IGFN1: variants seen among roughly 807,000 people sequenced by gnomAD.
IGFN1 encodes immunoglobulin like and fibronectin type III domain containing 1.
A neutral mutation model predicts 289.5 loss-of-function variants in IGFN1; 253 were observed. The ratio of observed to expected loss-of-function variants is 0.87; its 90% CI spans 0.79 to 0.97. The LOEUF is 0.97. IGFN1 is among the 50% of genes least tolerant of loss of function. The probability of loss-of-function intolerance (pLI) is 0.00; values close to 1 mark genes in which losing one functional copy is unlikely to be tolerated. For missense variants in IGFN1, 4,470 were observed against 4,686.1 expected, an observed-to-expected ratio of 0.95 and a Z score of 1.35; for synonymous variants, 1,706 against 1,788.5, an observed-to-expected ratio of 0.95 and a Z score of 1.16.
intron 23 of IGFN1, among the ~76,000 whole-genome samples, chr1:201,227,904 G>C (rs957227174): frequency 3.3e-5 from 5 of 152,186 alleles, no homozygotes; most frequent in Non-Finnish European, 2.9e-5. Flanking sequence ...AACACTTAGT[G>C]CCTAGAAAGC....
chr1:201,221,325 A>T, intron 18 of IGFN1, 119 bp from the exon 19 acceptor site: 2 of 778,240 alleles, frequency 2.6e-6, no homozygotes, highest in Non-Finnish European at 4.0e-6. Flanking sequence ...AAGAATCTAA[A>T]GGCAGAATTG....
At position 201,218,599 on chromosome 1, in the gene IGFN1, C is replaced by T. The variant is rs1214321537; in HGVS notation, c.9839C>T (p.Pro3280Leu). Residue 3280 changes from proline to leucine, a missense_variant, in exon 18 of 24, where the codon CCC becomes CTC. By Grantham distance (98) the Pro-to-Leu change is moderately conservative. Coordinates refer to ENST00000335211, the MANE Select transcript of IGFN1 (RefSeq NM_001164586.2). ...GAGTTCCGGGTCACAGCTGTGGCTCCCTCAGGTCCCGGAGAGCCTGGACCT... is the reference window on the plus strand; with the variant it reads ...GAGTTCCGGGTCACAGCTGTGGCTCTCTCAGGTCCCGGAGAGCCTGGACCT... ...QYEFRVTAVA[P>L]SGPGEPGPPS... 2 of 1,612,856 alleles carry T rather than the reference C, an allele frequency of 1.2e-6. No individual in the cohort carries two copies. The highest frequency in any genetic ancestry group is 1.7e-6 in the Non-Finnish European group (2 of 1,179,924).
At chr1:201,193,418 T>G (rs1338745963) in intron 2 of IGFN1, 118 bp downstream of exon 2, 3 of 692,906 alleles carry the variant, frequency 4.3e-6, no homozygotes, top group South Asian at 3.7e-5. Flanking sequence ...TGTTGTTGTT[T>G]TTTTTCTCCT....
chr1:201,200,256 A>G lies in IGFN1; in HGVS notation c.478A>G (p.Lys160Glu). The change falls in exon 8 of 24, where the codon AAA (lysine) becomes GAA (glutamate). Residue 160 changes from lysine to glutamate, a missense_variant. Physicochemically the swap from Lys to Glu is moderately conservative, Grantham distance 56. Coordinates refer to ENST00000335211, the MANE Select transcript of IGFN1 (RefSeq NM_001164586.2). ...LKKRAPPAPKKKMDLEQIWQL... is the reference protein window; with the variant it reads ...LKKRAPPAPKEKMDLEQIWQL... ...CCCCAGGGCCCCACCAGCCCCCAAGAAAAAGATGGACCTTGAGCAGATATG... is the reference window on the plus strand; with the variant it reads ...CCCCAGGGCCCCACCAGCCCCCAAGGAAAAGATGGACCTTGAGCAGATATG... 1.9e-6 allele frequency: 3 copies of G among 1,551,770 alleles called. No homozygotes were observed. The highest frequency in any genetic ancestry group is 2.6e-6 in the Non-Finnish European group (3 of 1,146,946).
At chr1:201,227,280 C>A (rs1379506817) in intron 23 of IGFN1, 72 bp downstream of exon 23, 7 of 1,270,962 alleles carry the variant, frequency 5.5e-6, no homozygotes, top group Non-Finnish European at 2.2e-6. Context: ...GTCAGGGAGG[C>A]TCCGGGGGGT....
At chr1:201,197,666 T>C (rs979706001) in intron 5 of IGFN1, among the ~76,000 whole-genome samples, 1 of 152,210 alleles carries the variant, frequency 6.6e-6, no homozygotes, top group Non-Finnish European at 1.5e-5. Context: ...ATGCAAAGGA[T>C]ATTTTGGACA....
chr1:201,205,425 G>T (rs1667369167), intron 11 of IGFN1, 71 bp downstream of exon 11: 1 of 1,411,648 alleles, frequency 7.1e-7, no homozygotes, highest in East Asian at 2.5e-5. Flanking sequence ...CATGAGGAAG[G>T]CGAGGCAGTG....
At chr1:201,227,726 G>A (rs1031288488) in intron 23 of IGFN1, among the ~76,000 whole-genome samples, 7 of 152,098 alleles carry the variant, frequency 4.6e-5, no homozygotes, top group Admixed American at 6.5e-5. Context: ...CACTGTGCCC[G>A]GCAGATTTGC....
intron 9 of IGFN1, 77 bp downstream of exon 9, chr1:201,201,909 C>G: frequency 1.4e-6 from 1 of 737,286 alleles, no homozygotes; most frequent in Non-Finnish European, 2.4e-6. Flanking sequence ...ACTATGGGTA[C>G]CCTGCATTCC....
chr1:201,222,703 G>A, intron 19 of IGFN1, 36 bp from the exon 20 acceptor site: 2 of 1,515,786 alleles, frequency 1.3e-6, no homozygotes, highest in Non-Finnish European at 1.8e-6. Context: ...AACTGTGAGG[G>A]AGGAGGGAGG....
rs189741487 is a variant in IGFN1 at position 201,197,235 on chromosome 1, C to G, written c.285C>G (p.Gly95=). The G allele has an allele frequency of 1.3e-6, 2 of 1,550,566 alleles. No individual in the cohort carries two copies. The highest frequency in any genetic ancestry group is 1.7e-6 in the Non-Finnish European group (2 of 1,145,998). The part of the protein sequence containing the change: ...EHVLQINKLT[G]EDTDLYRCTA... ...CTCTGCAGATCAACAAGCTGACAGGCGAGGACACGGATCTGTACCGCTGCA... is the reference window on the plus strand; with the variant it reads ...CTCTGCAGATCAACAAGCTGACAGGGGAGGACACGGATCTGTACCGCTGCA... The change falls in exon 5 of 24, where the codon GGC becomes GGG. Residue 95 remains glycine, a synonymous_variant. Coordinates refer to ENST00000335211, the MANE Select transcript of IGFN1 (RefSeq NM_001164586.2).
chr1:201,200,462 G>A, intron 8 of IGFN1, 51 bp downstream of exon 8: 1 of 1,433,884 alleles, frequency 7.0e-7, no homozygotes, highest in Non-Finnish European at 9.6e-7. Flanking sequence ...CACACACCTG[G>A]ACCATAGGTG....
rs1171962969 is a variant in IGFN1, at chr1:201,212,188, C to T, written c.7295C>T (p.Thr2432Ile). The T allele has an allele frequency of 2.8e-5, 43 of 1,535,186 alleles. No homozygotes were observed. Among genetic ancestry groups the T allele is most frequent in the Non-Finnish European group, 3.2e-5 (37 of 1,146,182 alleles). The stretch of plus-strand genomic sequence containing the variant: ...CCTGGGATGGCTGGAATGCCAGGCA[C>T]TGCAGGTGGCATGGCACACAGAGAC... ...VEPGMAGMPG[T>I]AGGMAHRDSL... Residue 2432 changes from threonine (T) to isoleucine (I), a missense_variant, in exon 12 of 24, where the codon ACT becomes ATT. Around this residue, in one of 8 missense-constraint regions of IGFN1, gnomAD observed 2,218 missense variants for 2,114.1 expected, o/e 1.05. Coordinates refer to ENST00000335211, the MANE Select transcript of IGFN1 (RefSeq NM_001164586.2).
chr1:201,216,577 G>A lies in IGFN1; in HGVS notation c.9419G>A (p.Arg3140Lys). Residue 3140 changes from arginine to lysine, a missense_variant, in exon 16 of 24, where the codon AGA (arginine) becomes AAA (lysine). Around this residue, in one of 8 missense-constraint regions of IGFN1, gnomAD observed 2,218 missense variants for 2,114.1 expected, o/e 1.05. Coordinates refer to ENST00000335211, the MANE Select transcript of IGFN1 (RefSeq NM_001164586.2). ...GRTVECYVVE[R>K]RQAGRSTWLK... ...ACTGTAGAGTGCTACGTGGTGGAGA[G>A]ACGGCAGGCTGGCAGGAGCACTTGG... 5 of 1,613,750 alleles carry A rather than the reference G, an allele frequency of 3.1e-6. No homozygotes were observed. The highest frequency in any genetic ancestry group is 4.2e-6 in the Non-Finnish European group (5 of 1,179,852).
In IGFN1 at chr1:201,203,914, G is replaced by A. The variant is rs1201801203; in HGVS notation, c.916+8G>A. 72 of 1,547,660 alleles carry A rather than the reference G, an allele frequency of 4.7e-5. No homozygotes were observed. The highest frequency in any genetic ancestry group is 6.3e-5 in the Non-Finnish European group (72 of 1,144,716). On this transcript the variant is annotated splice_region_variant and intron_variant, in intron 10 of 23. Coordinates refer to ENST00000335211, the MANE Select transcript of IGFN1 (RefSeq NM_001164586.2). ...CAGAACTGGAGGCCAGTGGTGAGTG[G>A]TCTACACTGCCGAAGTTGGAGTTGG...
Position 201,197,522 on chromosome 1 carries a change from T to G in IGFN1, c.367+205T>G, listed in dbSNP as rs180770319. ...CTGCATGTGTTTAAAAAGGCACACC[T>G]TGGCAGATACTCTGAAGGATATTCT... is the stretch of plus-strand genomic sequence containing the variant. On this transcript the variant is annotated intron_variant, in intron 5 of 23. Transcript: ENST00000335211. Among the ~76,000 whole-genome samples, 1,141 of 152,366 alleles carry G rather than the reference T, an allele frequency of 7.5e-3. 11 individuals are homozygous for G. Among genetic ancestry groups the G allele is most frequent in the Non-Finnish European group, 0.012 (813 of 68,038 alleles).
rs1667511818 is a variant in IGFN1, at chr1:201,207,952, G to C, written c.3059G>C (p.Trp1020Ser). 2.0e-6 allele frequency: 3 copies of C among 1,536,760 alleles called. No individual in the cohort carries two copies. The Admixed American group carries it at 5.9e-5, about 30-fold the overall frequency. Reference sequence around the variant, plus strand: ...GGCTCCGGAGCGCCTGGGGGAGTGTGGTCTGGAAATGAAGATTCTGGCCCT... The same window carrying C: ...GGCTCCGGAGCGCCTGGGGGAGTGTCGTCTGGAAATGAAGATTCTGGCCCT... ...RHGSGAPGGV[W>S]SGNEDSGPAG... is the part of the protein sequence containing the mutation. The change falls in exon 12 of 24, where the codon TGG becomes TCG. Residue 1020 changes from tryptophan to serine, a missense_variant. Around this residue, in one of 8 missense-constraint regions of IGFN1, gnomAD observed 2,011 missense variants for 1,953.4 expected, o/e 1.03. Coordinates refer to ENST00000335211, the MANE Select transcript of IGFN1 (RefSeq NM_001164586.2).
intron 18 of IGFN1, among the ~76,000 whole-genome samples, chr1:201,221,039 A>T (rs1653687833): frequency 6.6e-6 from 1 of 152,228 alleles, no homozygotes; most frequent in Non-Finnish European, 1.5e-5. Flanking sequence ...AGTACCCAGA[A>T]GGCAGAGTCG....
At position 201,208,646 on chromosome 1, in the gene IGFN1, C is replaced by A. The variant is rs1226228235; in HGVS notation, c.3753C>A (p.Gly1251=). 18 of 1,534,294 alleles carry A rather than the reference C, an allele frequency of 1.2e-5. No individual in the cohort carries two copies. Among genetic ancestry groups the A allele is most frequent in the South Asian group, 4.8e-5 (4 of 83,442 alleles). The change falls in exon 12 of 24, where the codon GGC becomes GGA. Residue 1251 remains glycine, a synonymous_variant. Coordinates refer to ENST00000335211, the MANE Select transcript of IGFN1 (RefSeq NM_001164586.2). ...GTACAGGGCCAGGGGGTGAGGCAGG[C>A]TTTAGAGATGGTTCAGGAGGCCTCC... ...PRSTGPGGEA[G]FRDGSGGLQG...
Sources: allele counts gnomAD v4.1 joint callset (sites outside exome capture counted in the v4.1 genomes callset), GRCh38; gene constraint gnomAD v4.1.1; regional missense constraint gnomAD v4.1.1; transcripts MANE v1.5; gene names NCBI Gene and HGNC (gene_info 2026-07-23, HGNC 2026-07-21).